Variants in ZNF827 observed in about 807,000 individuals in gnomAD.
ZNF827 encodes zinc finger protein 827.
Under a neutral mutation model 102.4 loss-of-function variants are expected in ZNF827, and 13 were observed. The ratio of observed to expected loss-of-function variants is 0.13; its 90% CI spans 0.08 to 0.20. ZNF827 has a LOEUF of 0.20. ZNF827 is among the 10% of genes least tolerant of loss of function. The probability of loss-of-function intolerance (pLI) is 1.00; values close to 1 mark genes in which losing one functional copy is unlikely to be tolerated. For missense variants in ZNF827, 1,103 were observed against 1,344.4 expected (o/e 0.82, Z 2.81); for synonymous variants, 523 against 536.2 (o/e 0.98, Z 0.34).
In ZNF827 at chr4:145,927,899, G is replaced by A. The variant is rs181086301; in HGVS notation, c.43+10466C>T. On this transcript the variant is annotated intron_variant, in intron 1 of 14. Coordinates refer to ENST00000508784, the MANE Select transcript of ZNF827 (RefSeq NM_001306215.2). ...AGGTTTGAGTAATGTACTGTTTTCC[G>A]TTTTACATGATGGAGCTACTTAAGC... 7.5e-4 allele frequency among the ~76,000 whole-genome samples: 114 copies of A among 152,314 alleles called. 1 individual carries two copies. The highest frequency in any genetic ancestry group is 2.5e-3 in the African/African-American group (104 of 41,578).
intron 4 of ZNF827, among the ~76,000 whole-genome samples, chr4:145,871,169 G>A (rs1396647789): frequency 6.6e-6 from 1 of 151,972 alleles, no homozygotes; most frequent in Non-Finnish European, 1.5e-5. Flanking sequence ...AAGTTGCAAA[G>A]ATGGTTCCAA....
At chr4:145,932,827 AAC>A (rs1423455192) in intron 1 of ZNF827, among the ~76,000 whole-genome samples, 2 of 152,146 alleles carry the variant, frequency 1.3e-5, no homozygotes, top group Admixed American at 6.5e-5. Flanking sequence ...TCACTCCACC[AAC>A]ACACTTTCCC....
chr4:145,819,191 A>G (rs143185449), intron 8 of ZNF827, among the ~76,000 whole-genome samples: 2 of 151,878 alleles, frequency 1.3e-5, no homozygotes, highest in African/African-American at 4.8e-5. Flanking sequence ...ACATTATCTC[A>G]CTCCAGGCTG....
chr4:145,896,648 A>G (rs1353367646), intron 2 of ZNF827, among the ~76,000 whole-genome samples: 4 of 152,378 alleles, frequency 2.6e-5, no homozygotes, highest in South Asian at 2.1e-4. Flanking sequence ...GTAAGTCCCA[A>G]TGGAACTTGT....
At position 145,765,380 on chromosome 4, in the gene ZNF827, G is replaced by A. The variant is rs1394368058; in HGVS notation, c.3052+167C>T. Reference sequence around the variant, plus strand: ...CTCCCCATCCTTCCACCCCATACTCGGATTCAAATTAAGCCAAAAGAAATA... The same window carrying A: ...CTCCCCATCCTTCCACCCCATACTCAGATTCAAATTAAGCCAAAAGAAATA... On this transcript the variant is annotated intron_variant, in intron 12 of 14. Transcript: ENST00000508784. This position sits in a 1 kb window ranked among gnomAD's most constrained non-coding sequence, Gnocchi z 4.7. 2.0e-5 allele frequency among the ~76,000 whole-genome samples: 3 copies of A among 152,084 alleles called. No homozygotes were observed. Among genetic ancestry groups the A allele is most frequent in the African/African-American group, 4.8e-5 (2 of 41,422 alleles).
chr4:145,796,498 C>T (rs1405442826), intron 8 of ZNF827, among the ~76,000 whole-genome samples: 1 of 152,112 alleles, frequency 6.6e-6, no homozygotes, highest in Non-Finnish European at 1.5e-5. Context: ...TGGTGTCACT[C>T]CTCTCTTATC....
Position 145,902,856 on chromosome 4 carries a change from C to G in ZNF827, c.403G>C (p.Asp135His), listed in dbSNP as rs1015504924. 2 of 1,614,116 alleles carry G rather than the reference C, an allele frequency of 1.2e-6. No individual in the cohort carries two copies. The highest frequency in any genetic ancestry group is 2.2e-5 in the South Asian group (2 of 91,072). The change falls in exon 2 of 15, where the codon GAT (aspartate) becomes CAT (histidine). Residue 135 changes from aspartate (D) to histidine (H), a missense_variant. Asp to His is a moderately conservative substitution (Grantham distance 81). Around this residue, in one of 5 missense-constraint regions of ZNF827, gnomAD observed 441 missense variants for 458.6 expected, o/e 0.96. Coordinates refer to ENST00000508784, the MANE Select transcript of ZNF827 (RefSeq NM_001306215.2). This position sits in a 1 kb window ranked among gnomAD's most constrained non-coding sequence, Gnocchi z 4.3. The stretch of plus-strand genomic sequence containing the variant: ...CTGCCATTAGCCGTGGCTGCAGCAT[C>G]GAGTTTGAGGGAACCAGCCTCCAGC... ...RLLEAGSLKL[D>H]AAATANGRVE...
intron 11 of ZNF827, among the ~76,000 whole-genome samples, chr4:145,772,530 AG>A (rs1736442519): frequency 6.6e-6 from 1 of 152,184 alleles, no homozygotes; most frequent in African/African-American, 2.4e-5. Flanking sequence ...TTATAAATAA[AG>A]TTTTATTGGA....
intron 6 of ZNF827, among the ~76,000 whole-genome samples, chr4:145,846,599 C>G (rs28672829): frequency 1.4e-5 from 2 of 141,210 alleles, no homozygotes; most frequent in Admixed American, 7.0e-5. Flanking sequence ...GGTGGATCAC[C>G]TGAGGTCAGG....
At chr4:145,892,196 C>T in intron 3 of ZNF827, 47 bp downstream of exon 3, 1 of 1,561,878 alleles carries the variant, frequency 6.4e-7, no homozygotes, top group Non-Finnish European at 8.7e-7. Flanking sequence ...TACAGAAGCC[C>T]TGGCTGTGCC....
chr4:145,795,072 C>T lies in ZNF827; in HGVS notation c.2384-15561G>A, dbSNP rs556325200. 1.6e-4 allele frequency among the ~76,000 whole-genome samples: 25 copies of T among 152,316 alleles called. No homozygotes were observed. The South Asian group carries it at 3.1e-3, about 19-fold the overall frequency. On this transcript the variant is annotated intron_variant, in intron 8 of 14. Transcript: ENST00000508784. The stretch of plus-strand genomic sequence containing the variant: ...CAGCAGGTGAATCTGCTTCTTCCCT[C>T]GAGATCCATGTACTGGGGGTGTCCT...
intron 1 of ZNF827, among the ~76,000 whole-genome samples, chr4:145,937,591 T>G (rs1363862941): frequency 7.4e-6 from 1 of 135,762 alleles, no homozygotes; most frequent in African/African-American, 2.7e-5. Context: ...CCCCCTCGCC[T>G]CGGCGCCGCG....
intron 4 of ZNF827, among the ~76,000 whole-genome samples, chr4:145,877,771 C>T (rs1455446433): frequency 6.6e-6 from 1 of 152,088 alleles, no homozygotes; most frequent in Non-Finnish European, 1.5e-5. Context: ...TAAAACCAAC[C>T]CACAAAGGGC....
intron 1 of ZNF827, among the ~76,000 whole-genome samples, chr4:145,918,594 C>A (rs1752854578): frequency 6.6e-6 from 1 of 151,818 alleles, no homozygotes; most frequent in Non-Finnish European, 1.5e-5. Flanking sequence ...TCATTGAGCA[C>A]CTTTGTGCCT....
intron 1 of ZNF827, among the ~76,000 whole-genome samples, chr4:145,929,539 T>C (rs1057415567): frequency 3.9e-5 from 6 of 152,170 alleles, no homozygotes; most frequent in African/African-American, 1.4e-4. Context: ...AAGCCTAATA[T>C]AATATTGTTG....
At chr4:145,823,578 C>T in intron 7 of ZNF827, 53 bp from the exon 8 acceptor site, 1 of 1,241,716 alleles carries the variant, frequency 8.1e-7, no homozygotes, top group Non-Finnish European at 1.2e-6. Flanking sequence ...ATTTAAGACA[C>T]CCAGAGCACC....
chr4:145,849,340 G>C lies in ZNF827; in HGVS notation c.2203C>G (p.Leu735Val). 1 of 1,614,044 alleles carries C rather than the reference G, an allele frequency of 6.2e-7. No individual in the cohort carries two copies. Among genetic ancestry groups the C allele is most frequent in the Non-Finnish European group, 8.5e-7 (1 of 1,179,972 alleles). ...QDISVKMASE[L>V]LFQLSEKVSK... Reference sequence around the variant, plus strand: ...AACATACCTGACAGTTGAAAGAGGAGCTCGGAAGCCATTTTCACAGAGATA... The same window carrying C: ...AACATACCTGACAGTTGAAAGAGGACCTCGGAAGCCATTTTCACAGAGATA... Residue 735 changes from leucine to valine, a missense_variant, in exon 6 of 15, where the codon CTC (leucine) becomes GTC (valine). Around this residue, in one of 5 missense-constraint regions of ZNF827, gnomAD observed 243 missense variants for 251.6 expected, o/e 0.97. Transcript: ENST00000508784.
chr4:145,796,827 C>T (rs1455214127), intron 8 of ZNF827, among the ~76,000 whole-genome samples: 2 of 152,056 alleles, frequency 1.3e-5, no homozygotes, highest in African/African-American at 4.8e-5. Context: ...GATGGGGTTT[C>T]GCCATGTTGG....
rs1735136133 is a variant in ZNF827 at position 145,765,404 on chromosome 4, T to TA, written c.3052+142dup. On this transcript the variant is annotated intron_variant, in intron 12 of 14. Transcript: ENST00000508784. This position sits in a 1 kb window ranked among gnomAD's most constrained non-coding sequence, Gnocchi z 4.7. ...CGGATTCAAATTAAGCCAAAAGAAA[T>TA]ACAACCTTTAGGTGAGGCCCAGCAT... 2 of 1,121,660 alleles carry TA rather than the reference T, an allele frequency of 1.8e-6. No homozygotes were observed. The highest frequency in any genetic ancestry group is 2.5e-6 in the Non-Finnish European group (2 of 806,430). The allele number at this position is 1,121,660 out of a possible 1,614,324, so 69.5% of individuals were successfully genotyped here.
Sources: allele counts gnomAD v4.1 joint callset (sites outside exome capture counted in the v4.1 genomes callset), GRCh38; gene constraint gnomAD v4.1.1; regional missense constraint gnomAD v4.1.1; non-coding constraint Gnocchi (gnomAD v3.1); transcripts MANE v1.5; gene names NCBI Gene and HGNC (gene_info 2026-07-23, HGNC 2026-07-21).